Variants in JMJD1C observed in about 807,000 individuals in gnomAD.
The protein encoded by JMJD1C is jumonji domain-containing protein 1C.
Under a neutral mutation model 245.3 loss-of-function variants are expected in JMJD1C, and 31 were observed. The ratio of observed to expected loss-of-function variants is 0.13; its 90% CI spans 0.09 to 0.17. JMJD1C has a LOEUF of 0.17. Among genes scored for constraint, JMJD1C ranks in the 10% least tolerant of loss-of-function variants. JMJD1C has a pLI of 1.00. For missense variants in JMJD1C, 2,691 were observed against 3,000.2 expected (o/e 0.90, Z 2.41); for synonymous variants, 1,057 against 1,017.4 (o/e 1.04, Z -0.74).
Position 63,208,784 on chromosome 10 carries a change from G to A in JMJD1C, c.2885C>T (p.Ala962Val), listed in dbSNP as rs762134268. The change falls in exon 10 of 26, where the codon GCT (alanine) becomes GTT (valine). Residue 962 changes from alanine to valine, a missense_variant. Ala to Val is a moderately conservative substitution (Grantham distance 64, BLOSUM62 0). Around this residue, in one of 9 missense-constraint regions of JMJD1C, gnomAD observed 1,562 missense variants for 1,490.7 expected, o/e 1.05. Coordinates refer to ENST00000399262, the MANE Select transcript of JMJD1C (RefSeq NM_032776.3). ...DHHKEELERKAFMEPLRSVAS... is the reference protein window; with the variant it reads ...DHHKEELERKVFMEPLRSVAS... ...AACAGACCGTAATGGTTCCATAAAA[G>A]CTTTTCTTTCTAATTCTCTGTAAAG... 6.6e-5 allele frequency: 105 copies of A among 1,579,140 alleles called. No homozygotes were observed. The Middle Eastern group carries it at 8.5e-4, about 13-fold the overall frequency.
In JMJD1C at chr10:63,214,802, C is replaced by G. The variant is rs1281064297; in HGVS notation, c.1365G>C (p.Gln455His). 6.2e-6 allele frequency: 10 copies of G among 1,613,804 alleles called. No homozygotes were observed. The South Asian group carries it at 9.9e-5, about 16-fold the overall frequency. ...AATGAATAATCATATCTTCTTGAAG[C>G]TGAGTGTCAACAGACTTCCGCTTCT... is the stretch of plus-strand genomic sequence containing the variant. ...EAEKRKSVDT[Q>H]LQEDMIIHSS... is the part of the protein sequence containing the mutation. The change falls in exon 8 of 26, where the codon CAG becomes CAC. Residue 455 changes from glutamine (Q) to histidine (H), a missense_variant. This residue lies in a region of JMJD1C where 1,562 missense variants were observed against 1,490.7 expected (regional missense o/e 1.05). Transcript: ENST00000399262.
chr10:63,274,856 T>C (rs1286198283), intron 2 of JMJD1C, among the ~76,000 whole-genome samples: 1 of 152,056 alleles, frequency 6.6e-6, no homozygotes, highest in Non-Finnish European at 1.5e-5. Context: ...AGCAGAGTAT[T>C]CAGTCTTTTA....
At chr10:63,491,249 T>C (rs1156477199) in intron 1 of JMJD1C, among the ~76,000 whole-genome samples, 1 of 152,198 alleles carries the variant, frequency 6.6e-6, no homozygotes, top group Non-Finnish European at 1.5e-5. Context: ...AACTTTTCTT[T>C]TTCATCACCC....
At chr10:63,303,279 GA>G (rs942056891) in intron 2 of JMJD1C, among the ~76,000 whole-genome samples, 3 of 152,112 alleles carry the variant, frequency 2.0e-5, no homozygotes, top group Non-Finnish European at 4.4e-5. Context: ...CTAACTTACT[GA>G]AAAAGACTCT....
At chr10:63,319,116 C>T (rs1045865826) in intron 2 of JMJD1C, among the ~76,000 whole-genome samples, 6 of 151,688 alleles carry the variant, frequency 4.0e-5, no homozygotes, top group African/African-American at 1.5e-4. Context: ...AAAAATTAGC[C>T]GGGTGTGGTG....
rs758099668 is a variant in JMJD1C at position 63,263,982 on chromosome 10, A to ACC, written c.447+668_447+669insGG. 6.4e-5 allele frequency among the ~76,000 whole-genome samples: 7 copies of ACC among 109,944 alleles called. 1 individual carries two copies. Among genetic ancestry groups the ACC allele is most frequent in the Admixed American group, 8.8e-5 (1 of 11,338 alleles). 72.1% of individuals were successfully genotyped at this position (109,944 alleles called of 152,430 possible). A position where few individuals can be genotyped will look rare whatever the true frequency, so the allele number is the denominator to read the frequency against. ...CATACACACACACACACACACACAC[A>ACC]CACACACACACACACACACACACAC... is the stretch of plus-strand genomic sequence containing the variant. On this transcript the variant is annotated intron_variant, in intron 3 of 25. Coordinates refer to ENST00000399262, the MANE Select transcript of JMJD1C (RefSeq NM_032776.3).
At chr10:63,259,192 TAA>T (rs1216642590) in intron 3 of JMJD1C, among the ~76,000 whole-genome samples, 3 of 152,236 alleles carry the variant, frequency 2.0e-5, no homozygotes, top group African/African-American at 7.2e-5. Context: ...AATCTGCTTA[TAA>T]ACAAACCTCT....
chr10:63,217,142 T>C, intron 5 of JMJD1C, 65 bp downstream of exon 5: 1 of 1,404,862 alleles, frequency 7.1e-7, no homozygotes, highest in South Asian at 1.3e-5. Context: ...TGTTGATGTA[T>C]TTTGGGGGGC....
intron 1 of JMJD1C, among the ~76,000 whole-genome samples, chr10:63,430,712 G>A (rs933561351): frequency 7.2e-5 from 11 of 152,036 alleles, no homozygotes; most frequent in African/African-American, 2.7e-4. Flanking sequence ...AATTTTATAA[G>A]GTTTAATTTT....
chr10:63,288,897 A>C (rs924803431), intron 2 of JMJD1C, among the ~76,000 whole-genome samples: 1 of 77,476 alleles, frequency 1.3e-5, no homozygotes, highest in Non-Finnish European at 3.1e-5. Flanking sequence ...TACAATAATA[A>C]TAATAATAAT....
chr10:63,200,114 T>C (rs537218091), intron 11 of JMJD1C, among the ~76,000 whole-genome samples: 1 of 152,312 alleles, frequency 6.6e-6, no homozygotes, highest in Non-Finnish European at 1.5e-5. Flanking sequence ...TATTCTTTAG[T>C]TGAACTCTTG....
chr10:63,382,267 T>G (rs1209591963), intron 1 of JMJD1C, among the ~76,000 whole-genome samples: 2 of 152,114 alleles, frequency 1.3e-5, no homozygotes, highest in Non-Finnish European at 2.9e-5. Context: ...ACCAGATGGT[T>G]TCTGTCATAA....
chr10:63,409,611 T>TG (rs1215558420), intron 1 of JMJD1C, among the ~76,000 whole-genome samples: 4 of 152,214 alleles, frequency 2.6e-5, no homozygotes, highest in Non-Finnish European at 5.9e-5. Flanking sequence ...TGACTATTCT[T>TG]GTCTCTGTTC....
chr10:63,181,548 T>A (rs1254976903), intron 22 of JMJD1C, among the ~76,000 whole-genome samples: 1 of 152,222 alleles, frequency 6.6e-6, no homozygotes, highest in Non-Finnish European at 1.5e-5. Flanking sequence ...AACATTATTA[T>A]AACCCTAAAA....
chr10:63,427,357 G>T (rs983750165), intron 1 of JMJD1C: 1 of 1,029,686 alleles, frequency 9.7e-7, no homozygotes. Flanking sequence ...AGTGTTCACC[G>T]CCTTCTGGCA....
At chr10:63,283,511 C>T (rs1013533395) in intron 2 of JMJD1C, among the ~76,000 whole-genome samples, 14 of 151,998 alleles carry the variant, frequency 9.2e-5, no homozygotes, top group Non-Finnish European at 1.5e-4. Flanking sequence ...GGATTACAGG[C>T]GCCCGCCACC....
At chr10:63,322,991 A>C (rs1026209161) in intron 2 of JMJD1C, among the ~76,000 whole-genome samples, 1 of 151,832 alleles carries the variant, frequency 6.6e-6, no homozygotes, top group African/African-American at 2.4e-5. Flanking sequence ...AATATATATA[A>C]AAATTTAACA....
chr10:63,319,622 TA>T (rs1940597056), intron 2 of JMJD1C, among the ~76,000 whole-genome samples: 1 of 152,206 alleles, frequency 6.6e-6, no homozygotes, highest in African/African-American at 2.4e-5. Flanking sequence ...TCAATACCTT[TA>T]TTTCTGTATT....
intron 1 of JMJD1C, among the ~76,000 whole-genome samples, chr10:63,390,423 G>A (rs180951399): frequency 6.5e-4 from 99 of 152,148 alleles, no homozygotes; most frequent in Non-Finnish European, 1.0e-3. Flanking sequence ...GGATCAGATG[G>A]CCCCACTGCA....
Sources: allele counts gnomAD v4.1 joint callset (sites outside exome capture counted in the v4.1 genomes callset), GRCh38; gene constraint gnomAD v4.1.1; regional missense constraint gnomAD v4.1.1; transcripts MANE v1.5; gene names NCBI Gene and HGNC (gene_info 2026-07-23, HGNC 2026-07-21).